PLEKHM3: variants seen among roughly 807,000 people sequenced by gnomAD.
The protein encoded by PLEKHM3 is pleckstrin homology domain containing M3, also known as pleckstrin homology domain-containing family M member 3.
A neutral mutation model predicts 81.8 loss-of-function variants in PLEKHM3; 45 were observed. The ratio of observed to expected loss-of-function variants is 0.55; its 90% CI spans 0.43 to 0.71. The LOEUF (loss-of-function observed/expected upper bound fraction) is 0.71. PLEKHM3 is among the 30% of genes least tolerant of loss of function. The probability of loss-of-function intolerance (pLI) is 0.00; values close to 1 mark genes in which losing one functional copy is unlikely to be tolerated. For missense variants in PLEKHM3, 788 were observed against 924.3 expected (o/e 0.85, Z 1.91); for synonymous variants, 352 against 356.4 (o/e 0.99, Z 0.14).
chr2:208,012,401 C>G (rs374646629), intron 1 of PLEKHM3, among the ~76,000 whole-genome samples: 2 of 152,206 alleles, frequency 1.3e-5, no homozygotes, highest in Admixed American at 6.5e-5. Context: ...CATTTATTGT[C>G]AATTGTAGTT....
At chr2:207,901,311 C>A in intron 6 of PLEKHM3, 1 of 703,020 alleles carries the variant, frequency 1.4e-6, no homozygotes, top group South Asian at 1.5e-5. Flanking sequence ...CCTGGGTCTG[C>A]AGAACAGAAA....
At chr2:208,016,181 G>C (rs542944750) in intron 1 of PLEKHM3, among the ~76,000 whole-genome samples, 1 of 152,112 alleles carries the variant, frequency 6.6e-6, no homozygotes, top group Non-Finnish European at 1.5e-5. Context: ...GCGACAGAGA[G>C]AGACTCCATC....
At chr2:207,850,356 G>A (rs1470640829) in intron 7 of PLEKHM3, among the ~76,000 whole-genome samples, 1 of 152,162 alleles carries the variant, frequency 6.6e-6, no homozygotes, top group Non-Finnish European at 1.5e-5. Context: ...TAAATACAGT[G>A]CCAAGTGGCA....
At chr2:207,884,724 A>T (rs1371314496) in intron 6 of PLEKHM3, among the ~76,000 whole-genome samples, 1 of 152,226 alleles carries the variant, frequency 6.6e-6, no homozygotes, top group Non-Finnish European at 1.5e-5. Context: ...TTCTCCTACT[A>T]AATATATTGA....
intron 7 of PLEKHM3, among the ~76,000 whole-genome samples, chr2:207,829,228 A>AAGCCTGCACGGG (rs1339527113): frequency 9.2e-5 from 14 of 152,296 alleles, no homozygotes; most frequent in Admixed American, 2.6e-4. Flanking sequence ...GGCTTGGTGG[A>AAGCCTGCACGGG]AGCCTGCACG....
intron 2 of PLEKHM3, among the ~76,000 whole-genome samples, chr2:207,982,067 A>G: frequency 6.6e-6 from 1 of 152,224 alleles, no homozygotes; most frequent in East Asian, 1.9e-4. Flanking sequence ...GAAGACTTTT[A>G]TAACCTACTT....
rs1170073686 is a variant in PLEKHM3 at position 207,956,718 on chromosome 2, A to ATTTTTTTT, written c.1547-10214_1547-10207dup. On this transcript the variant is annotated intron_variant, in intron 3 of 7. Coordinates refer to ENST00000427836, the MANE Select transcript of PLEKHM3 (RefSeq NM_001080475.3). Reference sequence around the variant, plus strand: ...ATGCCACCACACCTGGCTGATTAAAATTTTTTTTTTTTTTTTTTTTTTTTT... The same window carrying ATTTTTTTT: ...ATGCCACCACACCTGGCTGATTAAAATTTTTTTTTTTTTTTTTTTTTTTTTTTTTTTTT... 9.4e-3 allele frequency among the ~76,000 whole-genome samples: 653 copies of ATTTTTTTT among 69,140 alleles called. 53 individuals are homozygous for ATTTTTTTT. The highest frequency in any genetic ancestry group is 0.016 in the Middle Eastern group (1 of 64). 45.4% of individuals were successfully genotyped at this position (69,140 alleles called of 152,430 possible). A position where few individuals can be genotyped will look rare whatever the true frequency, so the allele number is the denominator to read the frequency against.
intron 3 of PLEKHM3, among the ~76,000 whole-genome samples, chr2:207,975,582 C>CTTTTTTTTTTTTTTTTTTTTTTT (rs11350409): frequency 1.6e-5 from 1 of 63,008 alleles, no homozygotes; most frequent in Non-Finnish European, 2.8e-5. Flanking sequence ...GTTTTAAAAG[C>CTTTTTTTTTTTTTTTTTTTTTTT]TTTTTTTTTT....
chr2:207,978,841 G>T (rs1691419008), intron 2 of PLEKHM3, among the ~76,000 whole-genome samples: 1 of 152,128 alleles, frequency 6.6e-6, no homozygotes, highest in African/African-American at 2.4e-5. Context: ...CTTCTATCAT[G>T]GGCTCTTAGT....
chr2:207,888,086 C>T (rs748315927), intron 6 of PLEKHM3, among the ~76,000 whole-genome samples: 20 of 152,014 alleles, frequency 1.3e-4, no homozygotes, highest in South Asian at 6.3e-4. Flanking sequence ...TTACCACCTC[C>T]CTTTCCTCTC....
intron 5 of PLEKHM3, among the ~76,000 whole-genome samples, chr2:207,910,544 G>C (rs994079626): frequency 6.6e-6 from 1 of 152,192 alleles, no homozygotes; most frequent in Non-Finnish European, 1.5e-5. Context: ...AGGTCACAGA[G>C]CTGAGTTTCA....
At chr2:208,021,512 T>C (rs185210797) in intron 1 of PLEKHM3, among the ~76,000 whole-genome samples, 4 of 152,358 alleles carry the variant, frequency 2.6e-5, no homozygotes, top group African/African-American at 9.6e-5. Flanking sequence ...TTCTGCCACA[T>C]AATTACATTA....
In PLEKHM3 at chr2:207,879,864, T is replaced by TA. The variant is rs199742445; in HGVS notation, c.1951-18603dup. 4.6e-3 allele frequency among the ~76,000 whole-genome samples: 691 copies of TA among 151,242 alleles called. 9 individuals are homozygous for TA. Among genetic ancestry groups the TA allele is most frequent in the African/African-American group, 0.014 (570 of 41,292 alleles). On this transcript the variant is annotated intron_variant, in intron 6 of 7. Coordinates refer to ENST00000427836, the MANE Select transcript of PLEKHM3 (RefSeq NM_001080475.3). Reference sequence around the variant, plus strand: ...TGACATTCTTGTTGATTATGCAGGGTAAAAAAAAATACCCTAACATTTGAA... The same window carrying TA: ...TGACATTCTTGTTGATTATGCAGGGTAAAAAAAAAATACCCTAACATTTGAA...
chr2:207,880,780 A>AAAAAAAAAAAAAAAAAAAC (rs1559219087), intron 6 of PLEKHM3, among the ~76,000 whole-genome samples: 1 of 136,454 alleles, frequency 7.3e-6, no homozygotes. Context: ...AAAAAAAAAA[A>AAAAAAAAAAAAAAAAAAAC]AAAAAAAACC....
chr2:207,884,932 TAGAGTAAGATC>T (rs1055447228), intron 6 of PLEKHM3, among the ~76,000 whole-genome samples: 9 of 152,142 alleles, frequency 5.9e-5, no homozygotes, highest in African/African-American at 2.2e-4. Flanking sequence ...ACACGGGGCC[TAGAGTAAGATC>T]AGAAACAAGC....
intron 4 of PLEKHM3, among the ~76,000 whole-genome samples, chr2:207,940,520 A>G (rs1346918456): frequency 2.6e-5 from 4 of 152,246 alleles, no homozygotes; most frequent in African/African-American, 4.8e-5. Flanking sequence ...ACAAGTCACA[A>G]TGCTAAGACT....
chr2:207,955,065 C>T (rs1179085576), intron 3 of PLEKHM3, among the ~76,000 whole-genome samples: 3 of 152,130 alleles, frequency 2.0e-5, no homozygotes, highest in Non-Finnish European at 2.9e-5. Flanking sequence ...AATATGTACA[C>T]CATTTTAGAG....
intron 7 of PLEKHM3, among the ~76,000 whole-genome samples, chr2:207,857,311 T>G (rs2092441944): frequency 6.6e-6 from 1 of 152,238 alleles, no homozygotes. Context: ...ATCTTCATTC[T>G]AAAAATGAAT....
chr2:207,989,148 A>C (rs1691815983), intron 2 of PLEKHM3, among the ~76,000 whole-genome samples: 1 of 152,212 alleles, frequency 6.6e-6, no homozygotes, highest in Non-Finnish European at 1.5e-5. Context: ...AGCTCCATAA[A>C]TATTGTTGAC....
Sources: gnomAD v4.1 joint callset for allele counts (sites outside exome capture counted in the v4.1 genomes callset) on GRCh38, gnomAD v4.1.1 for gene constraint, MANE v1.5 for transcripts, NCBI Gene and HGNC (gene_info 2026-07-23, HGNC 2026-07-21) for gene names.